EXOC6: variants seen among roughly 807,000 people sequenced by gnomAD.
EXOC6 encodes exocyst complex component 6, also known as SEC15-like 1.
In EXOC6, 60 loss-of-function variants were observed where a neutral mutation model predicts 112.5. The ratio of observed to expected loss-of-function variants is 0.53; its 90% CI spans 0.43 to 0.66. EXOC6 has a LOEUF of 0.66. EXOC6 is among the 30% of genes least tolerant of loss of function. The pLI, the probability that EXOC6 is intolerant of heterozygous loss-of-function variation, is 0.00. For synonymous variants in EXOC6, 295 were observed against 308.0 expected, an observed-to-expected ratio of 0.96 and a Z score of 0.44; for missense variants, 855 against 957.1, an observed-to-expected ratio of 0.89 and a Z score of 1.41.
chr10:92,892,507 C>G (rs1335467253), intron 1 of EXOC6, among the ~76,000 whole-genome samples: 2 of 152,234 alleles, frequency 1.3e-5, no homozygotes, highest in Non-Finnish European at 2.9e-5. Flanking sequence ...TGCTGACCTC[C>G]TGCCCCTCCA....
At chr10:92,896,175 ATATATATTTTTTT>A (rs1849799188) in intron 4 of EXOC6, among the ~76,000 whole-genome samples, 1 of 20,512 alleles carries the variant, frequency 4.9e-5, no homozygotes, top group South Asian at 2.4e-3. Context: ...ATATATATAT[ATATATATTTTTTT>A]TTTTTTTTTT....
At chr10:93,032,590 G>A (rs906961009) in intron 20 of EXOC6, among the ~76,000 whole-genome samples, 8 of 152,168 alleles carry the variant, frequency 5.3e-5, no homozygotes, top group Non-Finnish European at 1.5e-5. Context: ...AAGAGCTGCC[G>A]TATTTTCAGA....
At chr10:92,981,509 T>TAGTATAA (rs1842824822) in intron 18 of EXOC6, among the ~76,000 whole-genome samples, 1 of 152,242 alleles carries the variant, frequency 6.6e-6, no homozygotes, top group Non-Finnish European at 1.5e-5. Context: ...GTACCCAATT[T>TAGTATAA]ATGCAAATAT....
At position 92,971,112 on chromosome 10, in the gene EXOC6, C is replaced by T. The variant is rs565117530; in HGVS notation, c.1774-2941C>T. ...TGTTGCCCAGGCTGGAGTGAAGTGGCGCGATCTCGGCTCATTGCAAGGAAC... is the reference window on the plus strand; with the variant it reads ...TGTTGCCCAGGCTGGAGTGAAGTGGTGCGATCTCGGCTCATTGCAAGGAAC... On this transcript the variant is annotated intron_variant, in intron 17 of 21. Coordinates refer to ENST00000260762, the MANE Select transcript of EXOC6 (RefSeq NM_019053.6). 2.0e-5 allele frequency among the ~76,000 whole-genome samples: 3 copies of T among 152,174 alleles called. No homozygotes were observed. The South Asian group carries it at 6.2e-4, about 32-fold the overall frequency.
At chr10:92,989,524 A>G (rs1409966689) in intron 18 of EXOC6, among the ~76,000 whole-genome samples, 4 of 152,230 alleles carry the variant, frequency 2.6e-5, no homozygotes, top group African/African-American at 4.8e-5. Flanking sequence ...TCAACTGTAA[A>G]TTTAGTAGTG....
intron 17 of EXOC6, among the ~76,000 whole-genome samples, chr10:92,964,690 G>C (rs77413799): frequency 0.011 from 1,622 of 152,212 alleles, 34 homozygotes; most frequent in African/African-American, 0.037. Context: ...GATAGAAAAA[G>C]CAACTCAAAC....
intron 1 of EXOC6, among the ~76,000 whole-genome samples, chr10:92,827,811 C>T (rs1460036042): frequency 1.3e-5 from 2 of 152,238 alleles, no homozygotes; most frequent in South Asian, 2.1e-4. Context: ...GACTTTTGCT[C>T]ATCTTACAGG....
At chr10:92,883,963 C>T (rs1849083863) in intron 1 of EXOC6, among the ~76,000 whole-genome samples, 1 of 152,086 alleles carries the variant, frequency 6.6e-6, no homozygotes, top group Non-Finnish European at 1.5e-5. Context: ...GTGGTGCGAT[C>T]TTGGCTCACT....
chr10:93,030,003 G>A (rs1430287163), intron 20 of EXOC6, among the ~76,000 whole-genome samples: 1 of 151,842 alleles, frequency 6.6e-6, no homozygotes. Flanking sequence ...CTGCCTCCCA[G>A]GTTCAAGTGA....
At chr10:92,836,292 A>G (rs950736398) in intron 1 of EXOC6, among the ~76,000 whole-genome samples, 1 of 152,160 alleles carries the variant, frequency 6.6e-6, no homozygotes, top group Non-Finnish European at 1.5e-5. Context: ...CTGGTGTTGG[A>G]CTTGACTTCC....
chr10:93,055,532 C>T (rs1426855884), intron 20 of EXOC6, among the ~76,000 whole-genome samples: 1 of 152,196 alleles, frequency 6.6e-6, no homozygotes, highest in Non-Finnish European at 1.5e-5. Flanking sequence ...TACTAATTTA[C>T]ACTCTTACCA....
chr10:92,922,230 G>A (rs1428857276), intron 8 of EXOC6, among the ~76,000 whole-genome samples: 1 of 152,136 alleles, frequency 6.6e-6, no homozygotes, highest in Non-Finnish European at 1.5e-5. Context: ...ACAGGCATGA[G>A]CCACCGTGGC....
At position 93,026,700 on chromosome 10, in the gene EXOC6, C is replaced by A. The variant is rs577352557; in HGVS notation, c.2169+12433C>A. Among the ~76,000 whole-genome samples, 5 of 152,150 alleles carry A rather than the reference C, an allele frequency of 3.3e-5. No individual in the cohort carries two copies. The South Asian group carries it at 1.0e-3, about 32-fold the overall frequency. ...TGTGATCAGTGGTCTTTGATGTTAC[C>A]ATTGTAATTGTTTTGGGGTGCATGA... On this transcript the variant is annotated intron_variant, in intron 20 of 21. Coordinates refer to ENST00000260762, the MANE Select transcript of EXOC6 (RefSeq NM_019053.6).
intron 20 of EXOC6, among the ~76,000 whole-genome samples, chr10:93,017,097 T>C (rs1844562449): frequency 6.6e-6 from 1 of 151,968 alleles, no homozygotes; most frequent in Non-Finnish European, 1.5e-5. Flanking sequence ...ATTACAGGTG[T>C]GAGCCACTGC....
intron 1 of EXOC6, among the ~76,000 whole-genome samples, chr10:92,873,965 A>G (rs576252991): frequency 3.9e-5 from 6 of 152,086 alleles, no homozygotes; most frequent in Admixed American, 3.9e-4. Context: ...AGGCAGGAGA[A>G]TTGCTTGAAC....
chr10:93,011,580 A>C (rs1844249899), intron 19 of EXOC6, among the ~76,000 whole-genome samples: 2 of 152,314 alleles, frequency 1.3e-5, no homozygotes, highest in South Asian at 4.1e-4. Context: ...TATTTTTTTA[A>C]AGTTAGAAAA....
chr10:92,862,001 T>G (rs541364257), intron 1 of EXOC6, among the ~76,000 whole-genome samples: 1 of 152,194 alleles, frequency 6.6e-6, no homozygotes, highest in Admixed American at 6.5e-5. Flanking sequence ...AGAGGTAACA[T>G]CAATGTAAAA....
chr10:92,829,925 A>C (rs975110678), upstream of EXOC6, among the ~76,000 whole-genome samples: 16 of 152,212 alleles, frequency 1.1e-4, no homozygotes, highest in Non-Finnish European at 2.1e-4. Flanking sequence ...TACAAATGCC[A>C]TGGCAATGTC....
At chr10:92,889,185 C>T (rs888752445) in intron 1 of EXOC6, among the ~76,000 whole-genome samples, 1 of 152,066 alleles carries the variant, frequency 6.6e-6, no homozygotes, top group Non-Finnish European at 1.5e-5. Flanking sequence ...TTGGTTGTCT[C>T]ATGTGTATAC....
Sources: allele counts gnomAD v4.1 joint callset (sites outside exome capture counted in the v4.1 genomes callset), GRCh38; gene constraint gnomAD v4.1.1; transcripts MANE v1.5; gene names NCBI Gene and HGNC (gene_info 2026-07-23, HGNC 2026-07-21).